The following RMST variants were observed in gnomAD, a reference collection of about 807,000 sequenced individuals.
RMST encodes the protein long intergenic non-protein coding RNA 54.
At chr12:97,493,407 T>G (rs1018644643) in intron 7 of RMST, 2 of 152,590 alleles carry the variant, frequency 1.3e-5, no homozygotes, top group Non-Finnish European at 2.9e-5. Context: ...TTAGTGATAC[T>G]TTTTTCAAAC....
At chr12:97,502,441 T>A (rs1878185307) in intron 10 of RMST, among the ~76,000 whole-genome samples, 1 of 152,122 alleles carries the variant, frequency 6.6e-6, no homozygotes, top group African/African-American at 2.4e-5. Context: ...AGGCAGACAT[T>A]GAAAATATTG....
intron 3 of RMST, chr12:97,463,039 C>T (rs922227192): frequency 6.6e-6 from 1 of 151,666 alleles, no homozygotes. Flanking sequence ...CTCTCTCTCT[C>T]TCTCTCTCTC....
At chr12:97,527,785 A>G (rs181276131) in intron 10 of RMST, among the ~76,000 whole-genome samples, 3 of 152,158 alleles carry the variant, frequency 2.0e-5, no homozygotes, top group Non-Finnish European at 2.9e-5. Context: ...TTATAAATCA[A>G]TTTTACTATG....
intron 10 of RMST, among the ~76,000 whole-genome samples, chr12:97,512,802 G>T (rs1275367657): frequency 1.3e-5 from 2 of 152,220 alleles, no homozygotes; most frequent in East Asian, 1.9e-4. Context: ...TTAGCCCTTG[G>T]GTGGTCGATG....
At chr12:97,517,917 A>G (rs1204621611) in intron 10 of RMST, among the ~76,000 whole-genome samples, 2 of 151,826 alleles carry the variant, frequency 1.3e-5, no homozygotes, top group Non-Finnish European at 2.9e-5. Context: ...ATCAGTTTCA[A>G]CTCCCATAAA....
At chr12:97,548,265 T>G (rs570140640) in intron 11 of RMST, among the ~76,000 whole-genome samples, 158 of 152,276 alleles carry the variant, frequency 1.0e-3, no homozygotes, top group South Asian at 9.1e-3. Context: ...TTTGTTTTTA[T>G]GCTAGACCTG....
chr12:97,521,459 A>G (rs1330325054), intron 10 of RMST, among the ~76,000 whole-genome samples: 1 of 152,178 alleles, frequency 6.6e-6, no homozygotes, highest in Non-Finnish European at 1.5e-5. Context: ...TATATAATAT[A>G]CTAATAACCA....
intron 10 of RMST, among the ~76,000 whole-genome samples, chr12:97,520,517 A>G (rs1016657055): frequency 5.9e-5 from 9 of 152,118 alleles, no homozygotes; most frequent in Admixed American, 4.6e-4. Flanking sequence ...TAAATTTAAA[A>G]TTATAATTAA....
chr12:97,521,325 T>C (rs1288205551), intron 10 of RMST, among the ~76,000 whole-genome samples: 3 of 152,150 alleles, frequency 2.0e-5, no homozygotes, highest in Admixed American at 2.0e-4. Context: ...TGATGTTTTC[T>C]AAGAGCCAAA....
chr12:97,475,712 C>T (rs1246536809), intron 5 of RMST, among the ~76,000 whole-genome samples: 2 of 151,364 alleles, frequency 1.3e-5, no homozygotes, highest in Non-Finnish European at 2.9e-5. Context: ...AAGAAAAAAA[C>T]ACCCAAGAAC....
chr12:97,503,736 C>T (rs1878349053), intron 10 of RMST, among the ~76,000 whole-genome samples: 1 of 152,180 alleles, frequency 6.6e-6, no homozygotes, highest in Non-Finnish European at 1.5e-5. Context: ...CAAATCCCTG[C>T]ATGCTTCAGG....
intron 11 of RMST, among the ~76,000 whole-genome samples, chr12:97,544,579 G>A (rs560120041): frequency 4.1e-4 from 62 of 151,998 alleles, no homozygotes; most frequent in Admixed American, 6.6e-4. Flanking sequence ...GAGTTCCATA[G>A]CCAGAGATGG....
intron 10 of RMST, among the ~76,000 whole-genome samples, chr12:97,505,585 AC>A (rs1370995895): frequency 6.6e-6 from 1 of 152,224 alleles, no homozygotes. Context: ...TGTTTTACTA[AC>A]TTCAGTCATT....
At position 97,496,486 on chromosome 12, in the gene RMST, C is replaced by T. The variant is rs1051322370; in HGVS notation, n.1340+430C>T. ...AAAATTTTACGTGTCATTATTTGCT[C>T]CTATTAGAACAAGAAATTGAGAATG... On this transcript the variant is annotated intron_variant and non_coding_transcript_variant, in intron 10 of 13. Transcript: ENST00000640149. Among the ~76,000 whole-genome samples, 3 of 152,064 alleles carry T rather than the reference C, an allele frequency of 2.0e-5. No individual in the cohort carries two copies. In the South Asian group the frequency reaches 6.2e-4, roughly 32 times the overall value.
At chr12:97,544,717 G>T (rs75577393) in intron 11 of RMST, among the ~76,000 whole-genome samples, 2,442 of 152,018 alleles carry the variant, frequency 0.016, 56 homozygotes, top group African/African-American at 0.056. Flanking sequence ...ACTCCAATCA[G>T]TCCAGATGGT....
At chr12:97,465,640 G>A (rs1202418249) in intron 4 of RMST, 1 of 152,026 alleles carries the variant, frequency 6.6e-6, no homozygotes, top group East Asian at 1.9e-4. Context: ...TAAGTAATAT[G>A]CTAATAGTTT....
exon 5 of RMST, chr12:97,465,719 A>G (rs1276053220): frequency 6.6e-6 from 1 of 152,186 alleles, no homozygotes; most frequent in Non-Finnish European, 1.5e-5. Flanking sequence ...ATCCTCCTCG[A>G]ATCAAAAGGT....
chr12:97,478,545 AC>A (rs1487069313), intron 5 of RMST, among the ~76,000 whole-genome samples: 3 of 152,184 alleles, frequency 2.0e-5, no homozygotes, highest in Admixed American at 2.0e-4. Context: ...CTTATGGTGT[AC>A]TGTCCCTTCT....
intron 10 of RMST, among the ~76,000 whole-genome samples, chr12:97,516,393 C>G (rs575892805): frequency 1.7e-4 from 26 of 151,946 alleles, no homozygotes; most frequent in Non-Finnish European, 2.5e-4. Context: ...TCATCATTTC[C>G]TATCTGAATA....
Sources: allele counts gnomAD v4.1 joint callset (sites outside exome capture counted in the v4.1 genomes callset), GRCh38; gene constraint gnomAD v4.1.1; transcripts MANE v1.5; gene names NCBI Gene and HGNC (gene_info 2026-07-23, HGNC 2026-07-21).